The following ROBO2 variants were observed in gnomAD, a reference collection of about 807,000 sequenced individuals.
The protein encoded by ROBO2 is roundabout homolog 2.
In ROBO2, 53 loss-of-function variants were observed where a neutral mutation model predicts 160.8. That is an observed-to-expected ratio of 0.33 (90% CI 0.26 to 0.41). The LOEUF (loss-of-function observed/expected upper bound fraction) is 0.41, where lower values mean the gene tolerates loss of function less well. Ranked by LOEUF, ROBO2 falls within the 10% of genes least tolerant of loss-of-function variation. ROBO2 has a pLI of 1.00. For synonymous variants in ROBO2, 664 were observed against 611.7 expected (o/e 1.09, Z -1.26); for missense variants, 1,577 against 1,722.4 (o/e 0.92, Z 1.49).
At chr3:76,832,513 T>C (rs2067179474) in intron 2 of ROBO2, among the ~76,000 whole-genome samples, 1 of 152,166 alleles carries the variant, frequency 6.6e-6, no homozygotes, top group Non-Finnish European at 1.5e-5. Flanking sequence ...AGAATCATGA[T>C]ACAAGATAAA....
At chr3:77,334,982 A>C (rs931851862) in intron 2 of ROBO2, among the ~76,000 whole-genome samples, 10 of 152,204 alleles carry the variant, frequency 6.6e-5, no homozygotes, top group African/African-American at 2.4e-4. Flanking sequence ...AAAGATACTG[A>C]TTGCCCAAAC....
chr3:76,501,496 T>A (rs2107643565), intron 2 of ROBO2, among the ~76,000 whole-genome samples: 1 of 152,300 alleles, frequency 6.6e-6, no homozygotes, highest in African/African-American at 2.4e-5. Flanking sequence ...ATTCTTCCAC[T>A]CAGCAGGTAT....
At chr3:77,620,328 A>G (rs2094875065) in intron 22 of ROBO2, among the ~76,000 whole-genome samples, 1 of 152,228 alleles carries the variant, frequency 6.6e-6, no homozygotes, top group East Asian at 1.9e-4. Context: ...AGTGCCTGTC[A>G]CTAGAAGATA....
chr3:76,362,691 A>C (rs1378850267), intron 2 of ROBO2, among the ~76,000 whole-genome samples: 4 of 152,094 alleles, frequency 2.6e-5, no homozygotes. Flanking sequence ...AAACTTTTAG[A>C]AACACAGTTT....
intron 2 of ROBO2, among the ~76,000 whole-genome samples, chr3:77,283,611 C>T (rs35899907): frequency 0.011 from 1,663 of 152,104 alleles, 25 homozygotes; most frequent in Non-Finnish European, 0.014. Flanking sequence ...TTATTTGAGG[C>T]TTTTGAACAT....
At chr3:76,505,023 A>C (rs2107682415) in intron 2 of ROBO2, among the ~76,000 whole-genome samples, 1 of 152,302 alleles carries the variant, frequency 6.6e-6, no homozygotes, top group African/African-American at 2.4e-5. Flanking sequence ...GTGGTAAATG[A>C]GCAGTGTGGG....
At chr3:77,094,964 T>C (rs1022770629) in intron 1 of ROBO2, among the ~76,000 whole-genome samples, 1 of 152,170 alleles carries the variant, frequency 6.6e-6, no homozygotes, top group Non-Finnish European at 1.5e-5. Flanking sequence ...GATTTGCAGA[T>C]TATTTTTCTG....
intron 2 of ROBO2, among the ~76,000 whole-genome samples, chr3:77,101,531 C>T (rs11127578): frequency 0.35 from 52,880 of 151,946 alleles, 11,031 homozygotes; most frequent in African/African-American, 0.57. Flanking sequence ...GTTGAAGCCA[C>T]GGAAGTATAT....
In ROBO2 at chr3:77,558,012, A is replaced by G. The variant is rs779395913; in HGVS notation, c.1300A>G (p.Thr434Ala). The G allele has an allele frequency of 2.2e-5, 35 of 1,613,090 alleles. 1 individual carries two copies. In the South Asian group the frequency reaches 3.7e-4, roughly 17 times the overall value. The stretch of plus-strand genomic sequence containing the variant: ...CAACCAAACGCTGGCAGTGGATGGT[A>G]CAGCGTTACTGAAATGTAAAGCCAC... The change falls in exon 9 of 26, where the codon ACA (threonine) becomes GCA (alanine). Residue 434 changes from threonine (T) to alanine (A), a missense_variant. Thr to Ala is a moderately conservative substitution (Grantham distance 58). This residue lies in a region of ROBO2 where 940 missense variants were observed against 1,135.5 expected (regional missense o/e 0.83). Transcript: ENST00000461745.
intron 2 of ROBO2, among the ~76,000 whole-genome samples, chr3:77,332,419 T>C (rs993618831): frequency 6.6e-6 from 1 of 152,172 alleles, no homozygotes; most frequent in Non-Finnish European, 1.5e-5. Flanking sequence ...GGTAGTATTA[T>C]GGGGTGTGTG....
chr3:77,231,515 T>C (rs2087211016), intron 2 of ROBO2, among the ~76,000 whole-genome samples: 1 of 152,104 alleles, frequency 6.6e-6, no homozygotes, highest in African/African-American at 2.4e-5. Context: ...TTATATGCCT[T>C]ACTTTATTCT....
chr3:76,194,351 TAA>T (rs1491371628), intron 2 of ROBO2, among the ~76,000 whole-genome samples: 4,205 of 11,648 alleles, frequency 0.36, 295 homozygotes, highest in Non-Finnish European at 0.44. Context: ...GTATGGTGTG[TAA>T]ATATATATAT....
rs140288062 is a variant in ROBO2 at position 76,533,324 on chromosome 3, C to T, written c.110-564690C>T. On this transcript the variant is annotated intron_variant, in intron 2 of 26. Coordinates refer to the ROBO2 transcript ENST00000487694. ...TTTCTGTGAAGACAACTTCCCTGCT[C>T]AGCATACCTGTGCCATTTGGAATAA... Among the ~76,000 whole-genome samples the T allele has an allele frequency of 3.3e-5, 5 of 152,322 alleles. No individual in the cohort carries two copies. In the East Asian group the frequency reaches 9.6e-4, roughly 29 times the overall value.
chr3:77,488,164 A>T (rs888016388), intron 4 of ROBO2, among the ~76,000 whole-genome samples: 5 of 152,222 alleles, frequency 3.3e-5, no homozygotes, highest in African/African-American at 1.2e-4. Flanking sequence ...GACAGGGCTG[A>T]CTACTTGAGA....
At chr3:76,485,993 T>G (rs753258591) in intron 2 of ROBO2, among the ~76,000 whole-genome samples, 15 of 152,158 alleles carry the variant, frequency 9.9e-5, no homozygotes, top group Non-Finnish European at 2.1e-4. Context: ...AAGGTTTGGT[T>G]TGCACCTCAG....
rs879328622 is a variant in ROBO2 at position 76,127,597 on chromosome 3, A to AAAAAATATAT, written c.109+189996_109+189997insAAAATATATA. Among the ~76,000 whole-genome samples the AAAAAATATAT allele has an allele frequency of 2.1e-3, 243 of 118,400 alleles. 1 individual carries two copies. Among genetic ancestry groups the AAAAAATATAT allele is most frequent in the African/African-American group, 7.4e-3 (234 of 31,730 alleles). 77.7% of individuals were successfully genotyped at this position (118,400 alleles called of 152,430 possible). On this transcript the variant is annotated intron_variant, in intron 2 of 26. Transcript: ENST00000487694. ...GTGCTTTCTCTATATGGTTTGAAAAAATATATATATATATATACATATACT... is the reference window on the plus strand; with the variant it reads ...GTGCTTTCTCTATATGGTTTGAAAAAAAAAATATATATATATATATATATATACATATACT...
At chr3:76,992,907 TG>T (rs1307157085) in intron 2 of ROBO2, among the ~76,000 whole-genome samples, 35 of 152,274 alleles carry the variant, frequency 2.3e-4, no homozygotes, top group African/African-American at 8.4e-4. Flanking sequence ...AGCCTCCACC[TG>T]CCGGGTTCAA....
chr3:75,946,209 G>A (rs968328699), intron 2 of ROBO2, among the ~76,000 whole-genome samples: 3 of 152,180 alleles, frequency 2.0e-5, no homozygotes, highest in Admixed American at 6.6e-5. Context: ...ACAAAATGAT[G>A]TACATGTTAA....
intron 2 of ROBO2, among the ~76,000 whole-genome samples, chr3:76,104,952 A>T (rs547003311): frequency 2.0e-5 from 3 of 152,188 alleles, no homozygotes; most frequent in Non-Finnish European, 4.4e-5. Flanking sequence ...CTGATAAGTT[A>T]CCCAAGAACA....
Sources: gnomAD v4.1 joint callset for allele counts (sites outside exome capture counted in the v4.1 genomes callset) on GRCh38, gnomAD v4.1.1 for gene constraint, gnomAD v4.1.1 regional missense constraint, MANE v1.5 for transcripts, NCBI Gene and HGNC (gene_info 2026-07-23, HGNC 2026-07-21) for gene names.